SPMAP2L: variants seen among roughly 807,000 people sequenced by gnomAD.
SPMAP2L encodes sperm microtubule associated protein 2-like.
At chr4:56,575,506 G>C in the SPMAP2L span, 10 of 1,535,046 alleles carry the variant, frequency 6.5e-6, no homozygotes, top group Non-Finnish European at 7.8e-6. Context: ...AACTTGCAGG[G>C]CTCAATACTA....
At chr4:56,624,704 C>A in the SPMAP2L span, among the ~76,000 whole-genome samples, 2 of 152,162 alleles carry the variant, frequency 1.3e-5, no homozygotes, top group African/African-American at 2.4e-5. Context: ...TGGTGTTGAG[C>A]CTGCGGGTGC....
At chr4:56,537,511 A>G in the SPMAP2L span, among the ~76,000 whole-genome samples, 1 of 152,210 alleles carries the variant, frequency 6.6e-6, no homozygotes, top group African/African-American at 2.4e-5. Flanking sequence ...CTAAGAAAAT[A>G]TCTTGAAGTT....
At chr4:56,599,020 C>T in the SPMAP2L span, among the ~76,000 whole-genome samples, 1,404 of 152,110 alleles carry the variant, frequency 9.2e-3, 23 homozygotes, top group African/African-American at 0.032. Context: ...CTTTGCCTTC[C>T]GCCATGATGG....
At chr4:56,624,662 G>A in the SPMAP2L span, among the ~76,000 whole-genome samples, 1 of 152,196 alleles carries the variant, frequency 6.6e-6, no homozygotes. Context: ...GGCTTCAGAG[G>A]GTGGAAGCTT....
the SPMAP2L span, chr4:56,603,222 A>G: frequency 6.5e-7 from 1 of 1,531,252 alleles, no homozygotes; most frequent in Non-Finnish European, 8.7e-7. Context: ...TCCTGTGCGT[A>G]TTGTGTATTA....
chr4:56,595,715 T>C, the SPMAP2L span: 1 of 992,274 alleles, frequency 1.0e-6, no homozygotes, highest in Non-Finnish European at 1.6e-6. Flanking sequence ...AGAGGGCCTC[T>C]TCTTAGTCCT....
At chr4:56,606,183 A>T in the SPMAP2L span, among the ~76,000 whole-genome samples, 228 of 152,318 alleles carry the variant, frequency 1.5e-3, no homozygotes, top group African/African-American at 5.3e-3. Context: ...ACTGAGTAGG[A>T]CTAACTAACC....
chr4:56,574,146 G>A, the SPMAP2L span, among the ~76,000 whole-genome samples: 2 of 152,192 alleles, frequency 1.3e-5, no homozygotes, highest in Admixed American at 6.5e-5. Flanking sequence ...GTGGCTGGGT[G>A]TGCTGGCTCA....
the SPMAP2L span, among the ~76,000 whole-genome samples, chr4:56,537,983 G>C: frequency 0.13 from 20,367 of 151,978 alleles, 1,494 homozygotes; most frequent in African/African-American, 0.19. Flanking sequence ...GTGAGCCACC[G>C]TGCCTAGCTT....
chr4:56,611,152 A>C, the SPMAP2L span, among the ~76,000 whole-genome samples: 1 of 152,250 alleles, frequency 6.6e-6, no homozygotes, highest in African/African-American at 2.4e-5. Context: ...ACACATATTT[A>C]TAGCAGCACA....
the SPMAP2L span, among the ~76,000 whole-genome samples, chr4:56,555,625 T>G: frequency 6.6e-5 from 10 of 152,196 alleles, no homozygotes; most frequent in Non-Finnish European, 1.2e-4. Context: ...AGCTCTTTTT[T>G]GATTATTTCA....
chr4:56,611,716 C>A, the SPMAP2L span, among the ~76,000 whole-genome samples: 1 of 152,226 alleles, frequency 6.6e-6, no homozygotes, highest in East Asian at 1.9e-4. Flanking sequence ...CTGCAACAAT[C>A]ATGCCAGAAT....
chr4:56,621,895 G>A, the SPMAP2L span, among the ~76,000 whole-genome samples: 1 of 152,168 alleles, frequency 6.6e-6, no homozygotes, highest in East Asian at 1.9e-4. Context: ...ATTACTCTGT[G>A]TGATATTGTA....
chr4:56,543,895 A>AGAGTGTGTGTGTGTGTGT, the SPMAP2L span, among the ~76,000 whole-genome samples: 26 of 109,460 alleles, frequency 2.4e-4, no homozygotes, highest in African/African-American at 9.6e-4. Flanking sequence ...AGAGAGAGAG[A>AGAGTGTGTGTGTGTGTGT]GTGTGTGTGT....
At chr4:56,619,465 C>G in the SPMAP2L span, among the ~76,000 whole-genome samples, 1,300 of 152,260 alleles carry the variant, frequency 8.5e-3, 15 homozygotes, top group African/African-American at 0.03. Context: ...TTTTAGATAC[C>G]TCATGTAAGT....
the SPMAP2L span, among the ~76,000 whole-genome samples, chr4:56,609,537 T>C: frequency 6.6e-6 from 1 of 152,154 alleles, no homozygotes; most frequent in African/African-American, 2.4e-5. Context: ...ATGTATTTTG[T>C]AAGTGAGAAA....
At chr4:56,591,583 G>A in the SPMAP2L span, among the ~76,000 whole-genome samples, 1 of 152,162 alleles carries the variant, frequency 6.6e-6, no homozygotes, top group Non-Finnish European at 1.5e-5. Flanking sequence ...GTCAGTGTTA[G>A]TATCATCATC....
At chr4:56,620,345 A>G in the SPMAP2L span, among the ~76,000 whole-genome samples, 1 of 152,206 alleles carries the variant, frequency 6.6e-6, no homozygotes, top group Non-Finnish European at 1.5e-5. Context: ...TGATAAGATA[A>G]AAAGTGAGTT....
At chr4:56,575,473 C>A in the SPMAP2L span, 1 of 1,531,352 alleles carries the variant, frequency 6.5e-7, no homozygotes, top group Non-Finnish European at 8.7e-7. Context: ...ATGCTTGTTT[C>A]GTTTACTTCT....
Sources: gnomAD v4.1 joint callset for allele counts (sites outside exome capture counted in the v4.1 genomes callset) on GRCh38, gnomAD v4.1.1 for gene constraint, MANE v1.5 for transcripts, NCBI Gene and HGNC (gene_info 2026-07-23, HGNC 2026-07-21) for gene names.